The following ADCY9 variants were observed in gnomAD, a reference collection of about 807,000 sequenced individuals.
ADCY9 encodes the protein adenylate cyclase 9.
A neutral mutation model predicts 101.5 loss-of-function variants in ADCY9; 50 were observed. The observed-to-expected ratio is 0.49, with a 90% CI of 0.39 to 0.62. ADCY9 has a LOEUF of 0.62. Among genes scored for constraint, ADCY9 ranks in the 20% least tolerant of loss-of-function variants. The pLI is 0.00. For missense variants in ADCY9, 1,662 were observed against 1,800.4 expected, an observed-to-expected ratio of 0.92 and a Z score of 1.39; for synonymous variants, 905 against 769.3, an observed-to-expected ratio of 1.18 and a Z score of -2.92.
At chr16:4,061,322 C>A (rs1315031587) in intron 2 of ADCY9, among the ~76,000 whole-genome samples, 2 of 152,118 alleles carry the variant, frequency 1.3e-5, no homozygotes. Context: ...AAACTTCTCA[C>A]ATTTGATTTT....
rs1422886469 is a variant in ADCY9 at position 3,966,431 on chromosome 16, G to A, written c.3406C>T (p.Gln1136Ter). The change falls in exon 11 of 11, where the codon CAG (glutamine) becomes TAG (stop). Residue 1136 changes from glutamine to a stop codon, truncating the protein, a stop_gained. Transcript: ENST00000294016. LOFTEE classifies it high-confidence loss of function. Reference protein sequence around the residue: ...QDGSHPQEHLQILFEFAKEMM... With the variant: ...QDGSHPQEHL ...TCCTTGGCGAACTCGAACAGGATCT[G>A]CAGGTGCTCCTGCGGGTGGCTGCCG... 1.2e-6 allele frequency: 2 copies of A among 1,614,152 alleles called. No individual in the cohort carries two copies. The highest frequency in any genetic ancestry group is 2.2e-5 in the South Asian group (2 of 91,084).
At chr16:4,017,565 A>G (rs1343745152) in intron 2 of ADCY9, among the ~76,000 whole-genome samples, 2 of 149,890 alleles carry the variant, frequency 1.3e-5, no homozygotes, top group African/African-American at 4.9e-5. Flanking sequence ...GATCACTTGA[A>G]CCCAGGAGGC....
chr16:3,988,899 C>T, intron 6 of ADCY9, 95 bp downstream of exon 6: 1 of 949,834 alleles, frequency 1.1e-6, no homozygotes, highest in South Asian at 1.4e-5. Context: ...CCTTCGTGTT[C>T]CCATCCCTTG....
chr16:3,971,068 C>T (rs532603944), intron 10 of ADCY9, among the ~76,000 whole-genome samples: 21 of 152,224 alleles, frequency 1.4e-4, no homozygotes, highest in African/African-American at 4.1e-4. Context: ...AGGAGGTTTA[C>T]GCTGAATACC....
At chr16:4,081,092 G>A (rs1232146247) in intron 2 of ADCY9, among the ~76,000 whole-genome samples, 1 of 152,180 alleles carries the variant, frequency 6.6e-6, no homozygotes, top group Non-Finnish European at 1.5e-5. Context: ...TTATGAGAAA[G>A]GAAGACGAGC....
chr16:4,034,148 T>C (rs978130131), intron 2 of ADCY9, among the ~76,000 whole-genome samples: 8 of 152,164 alleles, frequency 5.3e-5, no homozygotes, highest in African/African-American at 1.7e-4. Context: ...GGCTGCTGTG[T>C]CCCCTCTGCC....
rs34344577 is a variant in ADCY9 at position 4,003,563 on chromosome 16, C to CTT, written c.1884+3803_1884+3804dup. On this transcript the variant is annotated intron_variant, in intron 3 of 10. Transcript: ENST00000294016. ...TAAGTGTGTGTTTGCTCTTTCTTTT[C>CTT]TTTTTTTTTTTTTTTTTTTGAGACA... Among the ~76,000 whole-genome samples, 389 of 124,476 alleles carry CTT rather than the reference C, an allele frequency of 3.1e-3. 4 individuals are homozygous for CTT. The highest frequency in any genetic ancestry group is 5.5e-3 in the Non-Finnish European group (329 of 59,538). The allele number at this position is 124,476 out of a possible 152,430, so 81.7% of individuals were successfully genotyped here. A position where few individuals can be genotyped will look rare whatever the true frequency, so the allele number is the denominator to read the frequency against.
At chr16:4,039,876 G>A (rs982882043) in intron 2 of ADCY9, among the ~76,000 whole-genome samples, 9 of 151,876 alleles carry the variant, frequency 5.9e-5, no homozygotes, top group Admixed American at 3.3e-4. Context: ...CCATCTCTAC[G>A]AAAAATGCAA....
At chr16:3,993,534 G>T in intron 3 of ADCY9, 24 bp from the exon 4 acceptor site, 1 of 1,611,044 alleles carries the variant, frequency 6.2e-7, no homozygotes, top group African/African-American at 1.3e-5. Context: ...ACAGACTGTG[G>T]GGACACACCC....
chr16:4,017,490 G>A lies in ADCY9; in HGVS notation c.1694-9932C>T, dbSNP rs1043816492. On this transcript the variant is annotated intron_variant, in intron 2 of 10. Transcript: ENST00000294016. ...AAAACCCTGTCTCTACTGAAAATAC[G>A]AAAATTAGCCAGGCGTGGTGATGCA... Among the ~76,000 whole-genome samples the A allele has an allele frequency of 7.6e-4, 107 of 140,290 alleles. 1 individual carries two copies. Among genetic ancestry groups the A allele is most frequent in the African/African-American group, 2.0e-3 (83 of 40,518 alleles). The allele number at this position is 140,290 out of a possible 152,430, so 92.0% of individuals were successfully genotyped here. A position where few individuals can be genotyped will look rare whatever the true frequency, so the allele number is the denominator to read the frequency against.
chr16:3,955,848 C>G (rs1424218672), intron 5 of ADCY9, among the ~76,000 whole-genome samples: 1 of 148,124 alleles, frequency 6.8e-6, no homozygotes, highest in Non-Finnish European at 1.5e-5. Context: ...CACACCTGGC[C>G]AAAATTTAGG....
intron 2 of ADCY9, among the ~76,000 whole-genome samples, chr16:4,029,537 G>A (rs28830263): frequency 0.01 from 1,572 of 152,184 alleles, 16 homozygotes; most frequent in African/African-American, 0.035. Context: ...ACCCGAGGTC[G>A]GGAGTTGAAG....
At chr16:4,011,517 C>T (rs2056404219) in intron 2 of ADCY9, among the ~76,000 whole-genome samples, 1 of 152,196 alleles carries the variant, frequency 6.6e-6, no homozygotes, top group Non-Finnish European at 1.5e-5. Context: ...AACGGGAAAC[C>T]TACTCCCCAC....
At chr16:4,013,192 G>A (rs1432419323) in intron 2 of ADCY9, among the ~76,000 whole-genome samples, 1 of 151,860 alleles carries the variant, frequency 6.6e-6, no homozygotes, top group Non-Finnish European at 1.5e-5. Context: ...AGGCTGCAGT[G>A]AGCTGTGAGT....
chr16:3,992,417 T>C lies in ADCY9; in HGVS notation c.1990-54A>G. The C allele has an allele frequency of 1.3e-6, 2 of 1,534,804 alleles. No individual in the cohort carries two copies. The highest frequency in any genetic ancestry group is 1.2e-5 in the South Asian group (1 of 86,714). On this transcript the variant is annotated intron_variant, in intron 4 of 10. Transcript: ENST00000294016. The surrounding 1 kb of genome is among the most constrained non-coding windows in gnomAD (Gnocchi z 4.2). Reference sequence around the variant, plus strand: ...CGGGAAGTGAAGTGGCACCGGGCACTGGGCACACACGCCTGTCCCACCCCG... The same window carrying C: ...CGGGAAGTGAAGTGGCACCGGGCACCGGGCACACACGCCTGTCCCACCCCG...
intron 2 of ADCY9, among the ~76,000 whole-genome samples, chr16:4,101,850 C>T (rs2057045238): frequency 6.6e-6 from 1 of 152,192 alleles, no homozygotes; most frequent in Non-Finnish European, 1.5e-5. Context: ...ATCTTAAGAA[C>T]CTCCAGGCTC....
chr16:4,071,191 A>G (rs1051200877), intron 2 of ADCY9, among the ~76,000 whole-genome samples: 2 of 151,664 alleles, frequency 1.3e-5, no homozygotes, highest in Admixed American at 1.3e-4. Flanking sequence ...TCAGCCAGCC[A>G]TGGTGATCCA....
intron 2 of ADCY9, among the ~76,000 whole-genome samples, chr16:4,112,804 T>C (rs552144118): frequency 6.6e-6 from 1 of 152,260 alleles, no homozygotes; most frequent in South Asian, 2.1e-4. Context: ...ACATAAGGAC[T>C]GTTTAAAAAG....
intron 2 of ADCY9, among the ~76,000 whole-genome samples, chr16:4,097,315 C>A (rs2057009947): frequency 6.6e-6 from 1 of 151,462 alleles, no homozygotes; most frequent in Admixed American, 6.6e-5. Flanking sequence ...CTATCAAGAC[C>A]CTCCGGAGCC....
Sources: allele counts gnomAD v4.1 joint callset (sites outside exome capture counted in the v4.1 genomes callset), GRCh38; gene constraint gnomAD v4.1.1; non-coding constraint Gnocchi (gnomAD v3.1); transcripts MANE v1.5; gene names NCBI Gene and HGNC (gene_info 2026-07-23, HGNC 2026-07-21).